NAA11: variants seen among roughly 807,000 people sequenced by gnomAD.
The protein encoded by NAA11 is N-alpha-acetyltransferase 11.
In NAA11, 15 loss-of-function variants were observed where a neutral mutation model predicts 16.1. The ratio of observed to expected loss-of-function variants is 0.93; its 90% CI spans 0.62 to 1.44. The LOEUF is 1.44. Ranked by LOEUF, NAA11 falls within the 40% of genes most tolerant of loss-of-function variation. The pLI, the probability that NAA11 is intolerant of heterozygous loss-of-function variation, is 0.00. For synonymous variants in NAA11, 122 were observed against 112.4 expected (o/e 1.09, Z -0.54); for missense variants, 298 against 291.3 (o/e 1.02, Z -0.17).
intron 2 of NAA11, among the ~76,000 whole-genome samples, chr4:79,238,732 G>A (rs1307687417): frequency 1.3e-5 from 2 of 152,164 alleles, no homozygotes; most frequent in African/African-American, 4.8e-5. Context: ...AAAAATGGCA[G>A]TTGTTCAGTC....
chr4:79,304,898 G>A (rs1723527071), intron 1 of NAA11, among the ~76,000 whole-genome samples: 1 of 152,206 alleles, frequency 6.6e-6, no homozygotes, highest in Admixed American at 6.5e-5. Context: ...TCAGTGAAAA[G>A]GTGTCATACT....
intron 2 of NAA11, among the ~76,000 whole-genome samples, chr4:79,277,176 C>T (rs1256895514): frequency 2.0e-5 from 3 of 152,114 alleles, no homozygotes; most frequent in South Asian, 2.1e-4. Flanking sequence ...TAGCCAGCAA[C>T]TCAAGGGTAA....
chr4:79,170,542 AAAGACCCTGAGGT>A, the NAA11 span, among the ~76,000 whole-genome samples: 12 of 152,186 alleles, frequency 7.9e-5, no homozygotes, highest in Admixed American at 5.9e-4. Flanking sequence ...TAGAATGTTC[AAAGACCCTGAGGT>A]CAGAAAGGAC....
chr4:79,325,794 C>T lies in NAA11; in HGVS notation c.84G>A (p.Met28Ile). 1 of 1,614,176 alleles carries T rather than the reference C, an allele frequency of 6.2e-7. No individual in the cohort carries two copies. The highest frequency in any genetic ancestry group is 8.5e-7 in the Non-Finnish European group (1 of 1,180,024). ...NLLCLPENYQ[M>I]KYYLYHGLSW... Reference sequence around the variant, plus strand: ...AAAGGCCATGATATAAATAGTATTTCATCTGGTAGTTCTCAGGAAGGCAAA... The same window carrying T: ...AAAGGCCATGATATAAATAGTATTTTATCTGGTAGTTCTCAGGAAGGCAAA... Residue 28 changes from methionine to isoleucine, a missense_variant, in exon 1 of 2, where the codon ATG becomes ATA. Met to Ile is a conservative substitution (Grantham distance 10). Coordinates refer to ENST00000286794, the MANE Select transcript of NAA11 (RefSeq NM_032693.3).
At chr4:79,298,301 TGAGGCTA>T (rs1368153130) in intron 1 of NAA11, among the ~76,000 whole-genome samples, 1 of 152,172 alleles carries the variant, frequency 6.6e-6, no homozygotes, top group Non-Finnish European at 1.5e-5. Context: ...CACTGAATGG[TGAGGCTA>T]AAAGAGCAGT....
chr4:79,268,564 A>C (rs1021602016), intron 2 of NAA11, among the ~76,000 whole-genome samples: 1 of 152,130 alleles, frequency 6.6e-6, no homozygotes, highest in East Asian at 1.9e-4. Flanking sequence ...TTCAAAAGAA[A>C]TACTGACTCC....
chr4:79,325,502 G>T lies in NAA11; in HGVS notation c.376C>A (p.Leu126Ile), dbSNP rs756009612. The T allele has an allele frequency of 2.5e-6, 4 of 1,614,224 alleles. No homozygotes were observed. The South Asian group carries it at 4.4e-5, about 18-fold the overall frequency. The change falls in exon 1 of 2, where the codon CTC (leucine) becomes ATC (isoleucine). Residue 126 changes from leucine (L) to isoleucine (I), a missense_variant. Transcript: ENST00000286794. ...RPALHLYSNT[L>I]NFQISEVEPK... Reference sequence around the variant, plus strand: ...TCCACCTCACTAATCTGAAAGTTGAGGGTGTTAGAATAAAGGTGCAAGGCT... The same window carrying T: ...TCCACCTCACTAATCTGAAAGTTGATGGTGTTAGAATAAAGGTGCAAGGCT...
At chr4:79,290,793 T>G (rs1723061847) in intron 2 of NAA11, among the ~76,000 whole-genome samples, 1 of 152,156 alleles carries the variant, frequency 6.6e-6, no homozygotes, top group South Asian at 2.1e-4. Context: ...GTCTGCAGAT[T>G]TTTTATACTG....
At chr4:79,306,576 T>A (rs1293815807) in intron 1 of NAA11, 4 of 152,198 alleles carry the variant, frequency 2.6e-5, no homozygotes, top group African/African-American at 9.6e-5. Flanking sequence ...AGTTCACACA[T>A]GAATTTTGGG....
At chr4:79,239,213 A>G (rs537810400) in intron 2 of NAA11, among the ~76,000 whole-genome samples, 6 of 152,370 alleles carry the variant, frequency 3.9e-5, no homozygotes, top group African/African-American at 1.4e-4. Flanking sequence ...ATTCACTTAT[A>G]GAATTCAATT....
chr4:79,247,315 T>C (rs775967837), intron 2 of NAA11, among the ~76,000 whole-genome samples: 5 of 152,210 alleles, frequency 3.3e-5, no homozygotes, highest in Non-Finnish European at 5.9e-5. Flanking sequence ...TTGAAGCTTA[T>C]TTTTTCTTGT....
chr4:79,244,226 C>A (rs1012470545), intron 2 of NAA11, among the ~76,000 whole-genome samples: 10 of 152,188 alleles, frequency 6.6e-5, no homozygotes, highest in African/African-American at 2.4e-4. Flanking sequence ...CAAACCATCA[C>A]CTGACTTTTC....
At chr4:79,251,637 T>A (rs1721998367) in intron 2 of NAA11, among the ~76,000 whole-genome samples, 1 of 149,756 alleles carries the variant, frequency 6.7e-6, no homozygotes, top group Non-Finnish European at 1.5e-5. Context: ...AAAAGTGAAT[T>A]AAAAAAAAAA....
At chr4:79,205,517 T>G in the NAA11 span, among the ~76,000 whole-genome samples, 11 of 152,214 alleles carry the variant, frequency 7.2e-5, 1 homozygote, top group African/African-American at 2.2e-4. Context: ...ATGAGTTCTT[T>G]GTCAGACGCA....
intron 2 of NAA11, among the ~76,000 whole-genome samples, chr4:79,237,414 T>C (rs953349998): frequency 2.6e-5 from 4 of 152,214 alleles, no homozygotes; most frequent in Non-Finnish European, 5.9e-5. Flanking sequence ...TTTGAGTGTG[T>C]GCATGCTCCC....
chr4:79,315,863 T>C (rs1045241151), downstream of NAA11, among the ~76,000 whole-genome samples: 16 of 152,336 alleles, frequency 1.1e-4, no homozygotes, highest in African/African-American at 3.8e-4. Context: ...TATTATTGTT[T>C]ATTTTATTTT....
chr4:79,313,513 G>A (rs1723841490), downstream of NAA11, among the ~76,000 whole-genome samples: 1 of 152,164 alleles, frequency 6.6e-6, no homozygotes, highest in African/African-American at 2.4e-5. Flanking sequence ...TTGAGGTGAT[G>A]ACACCATTCC....
rs186311319 is a variant in NAA11, at chr4:79,288,923, A to G, written c.*122+5082T>C. On this transcript the variant is annotated intron_variant and NMD_transcript_variant, in intron 2 of 2. Coordinates refer to the NAA11 transcript ENST00000511542. ...AATATTGTCTTCAGTATACTTTTTC[A>G]CTTATTAAATGATTATTCTTTATGT... Among the ~76,000 whole-genome samples the G allele has an allele frequency of 3.7e-4, 57 of 152,266 alleles. 1 individual carries two copies. The highest frequency in any genetic ancestry group is 1.4e-3 in the Admixed American group (21 of 15,292).
rs560776780 is a variant in NAA11, at chr4:79,325,931, C to T, written c.-54G>A. The T allele has an allele frequency of 2.2e-5, 34 of 1,512,818 alleles. No homozygotes were observed. The African/African-American group carries it at 4.3e-4, about 19-fold the overall frequency. 93.7% of individuals were successfully genotyped at this position (1,512,818 alleles called of 1,614,324 possible). ...CTGCAGTGAACCCAGAAGAGGCTGTCGCCGACCTTAAGGGGCACTGTTTGC... is the reference window on the plus strand; with the variant it reads ...CTGCAGTGAACCCAGAAGAGGCTGTTGCCGACCTTAAGGGGCACTGTTTGC... On this transcript the variant is annotated 5_prime_UTR_variant, in exon 1 of 2. Coordinates refer to ENST00000286794, the MANE Select transcript of NAA11 (RefSeq NM_032693.3).
Sources: gnomAD v4.1 joint callset for allele counts (sites outside exome capture counted in the v4.1 genomes callset) on GRCh38, gnomAD v4.1.1 for gene constraint, MANE v1.5 for transcripts, NCBI Gene and HGNC (gene_info 2026-07-23, HGNC 2026-07-21) for gene names.